The following AGBL1 variants were observed in gnomAD, a reference collection of about 807,000 sequenced individuals.
AGBL1 encodes cytosolic carboxypeptidase 4.
A neutral mutation model predicts 118.9 loss-of-function variants in AGBL1; 130 were observed. The ratio of observed to expected loss-of-function variants is 1.09; its 90% CI spans 0.95 to 1.26. AGBL1 has a LOEUF of 1.26. Among genes scored for constraint, AGBL1 ranks in the 50% most tolerant of loss-of-function variants. The pLI, the probability that AGBL1 is intolerant of heterozygous loss-of-function variation, is 0.00. For missense variants in AGBL1, 1,584 were observed against 1,298.1 expected (o/e 1.22, Z -3.38); for synonymous variants, 555 against 478.9 (o/e 1.16, Z -2.08).
At chr15:86,496,029 T>G (rs2082850288) in intron 18 of AGBL1, among the ~76,000 whole-genome samples, 1 of 151,984 alleles carries the variant, frequency 6.6e-6, no homozygotes, top group South Asian at 2.1e-4. Context: ...ATTTTCAACC[T>G]GATATAGTTT....
chr15:86,466,300 A>G (rs1398948367), intron 18 of AGBL1, among the ~76,000 whole-genome samples: 1 of 151,854 alleles, frequency 6.6e-6, no homozygotes, highest in East Asian at 1.9e-4. Flanking sequence ...TGATACTTGC[A>G]TATGCTTCAT....
chr15:86,309,373 C>T (rs552518795), intron 17 of AGBL1, among the ~76,000 whole-genome samples: 2 of 152,256 alleles, frequency 1.3e-5, no homozygotes, highest in South Asian at 4.1e-4. Context: ...TTACTTCTTT[C>T]TTTCCAATTA....
At chr15:86,672,813 T>C (rs898644563) in intron 21 of AGBL1, among the ~76,000 whole-genome samples, 11 of 152,242 alleles carry the variant, frequency 7.2e-5, no homozygotes, top group African/African-American at 2.7e-4. Context: ...CTGACTTCCC[T>C]TAACTCTGAA....
chr15:87,012,192 TACACACACACACACACACAC>T (rs57985975), intron 24 of AGBL1, among the ~76,000 whole-genome samples: 3 of 142,784 alleles, frequency 2.1e-5, no homozygotes, highest in African/African-American at 5.1e-5. Flanking sequence ...TACAAATTTA[TACACACACACACACACACAC>T]ACACACACAC....
chr15:86,698,899 C>T (rs559201613), intron 22 of AGBL1, among the ~76,000 whole-genome samples: 144 of 151,990 alleles, frequency 9.5e-4, no homozygotes, highest in African/African-American at 3.2e-3. Flanking sequence ...ATTTATTCAA[C>T]GTTTTCATTT....
chr15:86,404,237 G>T lies in AGBL1; in HGVS notation c.2555+6691G>T, dbSNP rs718382. Among the ~76,000 whole-genome samples, 467 of 152,214 alleles carry T rather than the reference G, an allele frequency of 3.1e-3. 9 individuals carry two copies. In the East Asian group the frequency reaches 0.064, roughly 21 times the overall value. On this transcript the variant is annotated intron_variant, in intron 18 of 22. Coordinates refer to ENST00000614907, the MANE Select transcript of AGBL1 (RefSeq NM_001386094.1). Reference sequence around the variant, plus strand: ...ATTCTTGCCCGGGATGAATGATTTGGTTCATCCTCACTTCCTAGCTGGGCT... The same window carrying T: ...ATTCTTGCCCGGGATGAATGATTTGTTTCATCCTCACTTCCTAGCTGGGCT...
rs1375821364 is a variant in AGBL1, at chr15:86,910,526, G to C, written c.*3232G>C. On this transcript the variant is annotated 3_prime_UTR_variant, in exon 23 of 23. Transcript: ENST00000614907. ...CATTTTTCCCTTGTTTATGGCTGAG[G>C]GTTTGGTGCTCCTGCTATGCTGGTT... The C allele has an allele frequency of 6.6e-6, 1 of 152,196 alleles. No individual in the cohort carries two copies. Among genetic ancestry groups the C allele is most frequent in the Non-Finnish European group, 1.5e-5 (1 of 68,044 alleles). The allele number at this position is 152,196 out of a possible 1,614,324, so 9.4% of individuals were successfully genotyped here.
At chr15:86,951,392 C>T (rs1314527450) in intron 23 of AGBL1, among the ~76,000 whole-genome samples, 3 of 152,206 alleles carry the variant, frequency 2.0e-5, no homozygotes, top group Admixed American at 1.3e-4. Context: ...ATGCTCACGA[C>T]TGCCCAATTC....
intron 17 of AGBL1, among the ~76,000 whole-genome samples, chr15:86,393,200 G>A (rs1438248412): frequency 1.3e-5 from 2 of 152,200 alleles, no homozygotes; most frequent in East Asian, 1.9e-4. Context: ...TTACAATACA[G>A]CAGATTATCA....
chr15:86,920,231 C>T (rs920915174), downstream of AGBL1, among the ~76,000 whole-genome samples: 2 of 152,166 alleles, frequency 1.3e-5, no homozygotes, highest in South Asian at 2.1e-4. Context: ...CTGAGCTCCC[C>T]ATTTCCTAGC....
intron 17 of AGBL1, among the ~76,000 whole-genome samples, chr15:86,298,666 T>G (rs2079696907): frequency 6.6e-6 from 1 of 152,096 alleles, no homozygotes; most frequent in Admixed American, 6.6e-5. Flanking sequence ...TAGGGTAGCT[T>G]CAGTGTGGGA....
chr15:86,951,064 G>A (rs769289816), intron 23 of AGBL1, among the ~76,000 whole-genome samples: 3 of 152,082 alleles, frequency 2.0e-5, no homozygotes, highest in African/African-American at 7.2e-5. Flanking sequence ...TTTTGTGTCC[G>A]AGCACCTAAT....
chr15:86,160,357 T>C (rs564011722), intron 5 of AGBL1, among the ~76,000 whole-genome samples: 1 of 152,300 alleles, frequency 6.6e-6, no homozygotes, highest in Non-Finnish European at 1.5e-5. Context: ...ACAAGAAATA[T>C]AAACCAGTGT....
At chr15:86,462,030 T>C (rs749310744) in intron 18 of AGBL1, among the ~76,000 whole-genome samples, 1 of 152,356 alleles carries the variant, frequency 6.6e-6, no homozygotes, top group African/African-American at 2.4e-5. Context: ...TGACAATTAC[T>C]TACAAACTAT....
At chr15:86,691,231 C>T (rs141464801) in intron 22 of AGBL1, among the ~76,000 whole-genome samples, 1 of 152,038 alleles carries the variant, frequency 6.6e-6, no homozygotes, top group East Asian at 1.9e-4. Flanking sequence ...AGTTTGCAAG[C>T]AAAACACAAG....
At chr15:86,896,037 G>A (rs1326415607) in intron 22 of AGBL1, among the ~76,000 whole-genome samples, 3 of 151,964 alleles carry the variant, frequency 2.0e-5, no homozygotes, top group Non-Finnish European at 4.4e-5. Context: ...TTGCTGAACT[G>A]TGTCTGTGAC....
chr15:86,424,366 A>T (rs2081837513), intron 18 of AGBL1, among the ~76,000 whole-genome samples: 1 of 152,218 alleles, frequency 6.6e-6, no homozygotes, highest in Non-Finnish European at 1.5e-5. Context: ...CCTCTTCCTT[A>T]CACCTTATAC....
intron 24 of AGBL1, among the ~76,000 whole-genome samples, chr15:87,026,126 C>G (rs2081723848): frequency 6.6e-6 from 1 of 151,926 alleles, no homozygotes; most frequent in Non-Finnish European, 1.5e-5. Context: ...AACCCAAACA[C>G]AAATACAATA....
intron 22 of AGBL1, among the ~76,000 whole-genome samples, chr15:86,776,995 A>G (rs1451234688): frequency 1.3e-5 from 2 of 151,782 alleles, no homozygotes; most frequent in East Asian, 1.9e-4. Context: ...TTTTTCTTCT[A>G]TACATTTTTC....
Sources: allele counts gnomAD v4.1 joint callset (sites outside exome capture counted in the v4.1 genomes callset), GRCh38; gene constraint gnomAD v4.1.1; transcripts MANE v1.5; gene names NCBI Gene and HGNC (gene_info 2026-07-23, HGNC 2026-07-21).